NDE1: variants seen among roughly 807,000 people sequenced by gnomAD.
NDE1 encodes nudE neurodevelopment protein 1.
A neutral mutation model predicts 43.4 loss-of-function variants in NDE1; 28 were observed. The observed-to-expected ratio is 0.65, with a 90% CI of 0.48 to 0.89. The LOEUF is 0.89. Among genes scored for constraint, NDE1 ranks in the 40% least tolerant of loss-of-function variants. NDE1 has a pLI of 0.00. For synonymous variants in NDE1, 184 were observed against 172.0 expected (o/e 1.07, Z -0.55); for missense variants, 441 against 434.1 (o/e 1.02, Z -0.14).
chr16:15,702,491 A>G (rs891265713), intron 8 of NDE1, among the ~76,000 whole-genome samples: 14 of 152,042 alleles, frequency 9.2e-5, no homozygotes, highest in African/African-American at 3.4e-4. Flanking sequence ...CCTGGCTCAC[A>G]TGATCCTCCT....
At chr16:15,696,942 C>CCCA in intron 8 of NDE1, 82 bp downstream of exon 8, 12 of 1,573,416 alleles carry the variant, frequency 7.6e-6, no homozygotes, top group Non-Finnish European at 1.0e-5. Context: ...CAGCCCACAG[C>CCCA]CATGTGTCTT....
At chr16:15,696,981 C>CTT (rs1227614222) in intron 8 of NDE1, 121 bp downstream of exon 8, 5 of 1,541,088 alleles carry the variant, frequency 3.2e-6, no homozygotes, top group Non-Finnish European at 4.4e-6. Flanking sequence ...TTCAGCAAAC[C>CTT]TTATCCTCTC....
In NDE1 at chr16:15,664,775, C is replaced by A; in HGVS notation, c.-4C>A. 1.2e-6 allele frequency: 2 copies of A among 1,608,018 alleles called. No individual in the cohort carries two copies. Among genetic ancestry groups the A allele is most frequent in the Non-Finnish European group, 1.7e-6 (2 of 1,174,910 alleles). On this transcript the variant is annotated 5_prime_UTR_variant, in exon 2 of 9. Transcript: ENST00000396354. ...GGAGAGTGATCTCTTCCCCTGTTTT[C>A]ACAATGGAGGACTCCGGAAAGACTT... is the stretch of plus-strand genomic sequence containing the variant.
At chr16:15,705,903 T>C (rs1255144126) in intron 8 of NDE1, among the ~76,000 whole-genome samples, 1 of 139,958 alleles carries the variant, frequency 7.1e-6, no homozygotes, top group Admixed American at 7.9e-5. Context: ...GAGAATGACA[T>C]GAACCCAGGA....
chr16:15,700,898 A>G (rs1327554997), intron 8 of NDE1, among the ~76,000 whole-genome samples: 2 of 152,134 alleles, frequency 1.3e-5, no homozygotes, highest in Admixed American at 1.3e-4. Flanking sequence ...GTGTACTGAA[A>G]TCATGTCTAA....
At chr16:15,656,587 C>T (rs2036779386) in intron 1 of NDE1, among the ~76,000 whole-genome samples, 1 of 152,032 alleles carries the variant, frequency 6.6e-6, no homozygotes, top group South Asian at 2.1e-4. Context: ...GTCACCCAGG[C>T]TGGAGTGCAG....
rs2040132836 is a variant in NDE1 at position 15,716,315 on chromosome 16, C to A, written c.948-7876C>A. On this transcript the variant is annotated intron_variant, in intron 8 of 8. Coordinates refer to ENST00000396354, the MANE Select transcript of NDE1 (RefSeq NM_017668.3). ...TACATGTTTGTGAATATATGAATAG[C>A]CCTTGAATTATACACTTTAAATGGG... Among the ~76,000 whole-genome samples, 3 of 152,158 alleles carry A rather than the reference C, an allele frequency of 2.0e-5. No homozygotes were observed. In the South Asian group the frequency reaches 6.2e-4, roughly 32 times the overall value.
chr16:15,675,943 CT>C (rs1375035472), intron 3 of NDE1, among the ~76,000 whole-genome samples: 1 of 152,128 alleles, frequency 6.6e-6, no homozygotes, highest in African/African-American at 2.4e-5. Flanking sequence ...GTGTTCATGT[CT>C]CCAAAGTGGG....
intron 8 of NDE1, chr16:15,720,368 C>T: frequency 1.3e-6 from 2 of 1,573,556 alleles, no homozygotes; most frequent in Non-Finnish European, 1.7e-6. Flanking sequence ...GGTCCTTTGG[C>T]TCACCTAGGC....
rs549933627 is a variant in NDE1 at position 15,720,256 on chromosome 16, A to G, written c.948-3935A>G. The G allele has an allele frequency of 6.2e-7, 1 of 1,614,072 alleles. No individual in the cohort carries two copies. The highest frequency in any genetic ancestry group is 8.5e-7 in the Non-Finnish European group (1 of 1,180,016). On this transcript the variant is annotated intron_variant, in intron 8 of 8. Coordinates refer to ENST00000396354, the MANE Select transcript of NDE1 (RefSeq NM_017668.3). ...CCCCTTCCAGCTTCTTCTTTGCTGCAGCTGCCAGGGCACGTTGCTTTCGCT... is the reference window on the plus strand; with the variant it reads ...CCCCTTCCAGCTTCTTCTTTGCTGCGGCTGCCAGGGCACGTTGCTTTCGCT...
At position 15,724,429 on chromosome 16, in the gene NDE1, G is replaced by C. The variant is rs1211111019; in HGVS notation, c.*178G>C. The C allele has an allele frequency of 2.5e-6, 4 of 1,613,328 alleles. No homozygotes were observed. In the South Asian group the frequency reaches 4.4e-5, roughly 18 times the overall value. On this transcript the variant is annotated 3_prime_UTR_variant, in exon 9 of 9. Transcript: ENST00000396354. ...GGAGAGCTACAAGGACAGCGTCCAG[G>C]GTAGGGTGAGAGGGGGACCATGAGT...
intron 4 of NDE1, among the ~76,000 whole-genome samples, chr16:15,682,959 C>T (rs1249262015): frequency 6.6e-6 from 1 of 152,092 alleles, no homozygotes; most frequent in African/African-American, 2.4e-5. Flanking sequence ...ACCACCTCGG[C>T]CTCCCAAAGT....
intron 1 of NDE1, among the ~76,000 whole-genome samples, chr16:15,654,387 G>A (rs1308782044): frequency 6.6e-6 from 1 of 151,836 alleles, no homozygotes; most frequent in Non-Finnish European, 1.5e-5. Flanking sequence ...ATCACCTGAG[G>A]TCAGGAGATC....
intron 8 of NDE1, chr16:15,721,312 T>C (rs2040467134): frequency 1.6e-6 from 2 of 1,284,054 alleles, no homozygotes; most frequent in Admixed American, 1.8e-5. Flanking sequence ...CCATTTCCGA[T>C]GATAGTTCGC....
chr16:15,656,935 A>C (rs959341536), intron 1 of NDE1, among the ~76,000 whole-genome samples: 2 of 152,162 alleles, frequency 1.3e-5, no homozygotes, highest in African/African-American at 2.4e-5. Context: ...AAAACTATGC[A>C]GGGGCCTGAT....
At chr16:15,712,484 C>A (rs915817193) in intron 8 of NDE1, among the ~76,000 whole-genome samples, 2 of 151,962 alleles carry the variant, frequency 1.3e-5, no homozygotes, top group Non-Finnish European at 2.9e-5. Context: ...CCCATCTCTA[C>A]TAAAAATATA....
chr16:15,651,903 TATTA>T (rs2036523264), intron 1 of NDE1: 2 of 152,116 alleles, frequency 1.3e-5, no homozygotes, highest in South Asian at 2.1e-4. Context: ...GTGTGTTATT[TATTA>T]TTTATTTATT....
At chr16:15,697,679 C>G (rs1367412595) in intron 8 of NDE1, among the ~76,000 whole-genome samples, 1 of 152,098 alleles carries the variant, frequency 6.6e-6, no homozygotes, top group Non-Finnish European at 1.5e-5. Flanking sequence ...TGCCTCTGCA[C>G]AGCAGCCTGG....
chr16:15,694,676 G>T, intron 7 of NDE1: 1 of 985,306 alleles, frequency 1.0e-6, no homozygotes, highest in Non-Finnish European at 1.2e-6. Context: ...TGAGTTTTAG[G>T]TGTGGCTGCT....
Sources: allele counts gnomAD v4.1 joint callset (sites outside exome capture counted in the v4.1 genomes callset), GRCh38; gene constraint gnomAD v4.1.1; transcripts MANE v1.5; gene names NCBI Gene and HGNC (gene_info 2026-07-23, HGNC 2026-07-21).